ZCCHC7: variants seen among roughly 807,000 people sequenced by gnomAD.
ZCCHC7 encodes zinc finger CCHC-type containing 7, also known as zinc finger CCHC domain-containing protein 7.
ZCCHC7 carries 35 observed loss-of-function variants against 52.0 expected under a neutral mutation model. The observed-to-expected ratio is 0.67, with a 90% CI of 0.51 to 0.89. ZCCHC7 has a LOEUF of 0.89. ZCCHC7 is among the 40% of genes least tolerant of loss of function. ZCCHC7 has a pLI of 0.00. For missense variants in ZCCHC7, 574 were observed against 649.1 expected, an observed-to-expected ratio of 0.88 and a Z score of 1.26; for synonymous variants, 217 against 221.5, an observed-to-expected ratio of 0.98 and a Z score of 0.18.
intron 2 of ZCCHC7, among the ~76,000 whole-genome samples, chr9:37,239,362 T>G (rs955256855): frequency 6.6e-6 from 1 of 152,150 alleles, no homozygotes; most frequent in Non-Finnish European, 1.5e-5. Context: ...TAGATTCTTA[T>G]TACAATGCGT....
upstream of ZCCHC7, among the ~76,000 whole-genome samples, chr9:37,120,340 T>C (rs534430103): frequency 8.1e-4 from 123 of 152,312 alleles, 1 homozygote; most frequent in Non-Finnish European, 1.6e-3. Context: ...GCAGCCTAGG[T>C]AGCTTCAAGA....
Position 37,209,711 on chromosome 9 carries a change from A to G in ZCCHC7, c.610+82769A>G, listed in dbSNP as rs1364686899. On this transcript the variant is annotated intron_variant, in intron 2 of 8. Transcript: ENST00000336755. ...TTGAATGCATGACTGAATAAACTGG[A>G]TAAATATTTGTGTTTATAAGGGAAA... is the stretch of plus-strand genomic sequence containing the variant. 2.0e-5 allele frequency among the ~76,000 whole-genome samples: 3 copies of G among 152,314 alleles called. No homozygotes were observed. The East Asian group carries it at 5.8e-4, about 29-fold the overall frequency.
rs111721882 is a variant in ZCCHC7, at chr9:37,345,071, G to A, written c.988-4286G>A. Among the ~76,000 whole-genome samples, 155 of 152,286 alleles carry A rather than the reference G, an allele frequency of 1.0e-3. 2 individuals are homozygous for A. The highest frequency in any genetic ancestry group is 2.8e-3 in the African/African-American group (117 of 41,554). Reference sequence around the variant, plus strand: ...TAATAAATCCATTACAATCTGGCTTGTACCTCTACCCCTCGAAAGAAACTA... The same window carrying A: ...TAATAAATCCATTACAATCTGGCTTATACCTCTACCCCTCGAAAGAAACTA... On this transcript the variant is annotated intron_variant, in intron 6 of 8. Transcript: ENST00000336755.
upstream of ZCCHC7, chr9:37,120,432 A>G: frequency 5.1e-6 from 2 of 395,916 alleles, no homozygotes; most frequent in Non-Finnish European, 8.9e-6. Flanking sequence ...CGCACCCACT[A>G]CGCATGCGCA....
chr9:37,146,094 GAGAGTTGCTTCATTTATCTC>G (rs1205035508), intron 2 of ZCCHC7, among the ~76,000 whole-genome samples: 3 of 151,752 alleles, frequency 2.0e-5, no homozygotes, highest in African/African-American at 4.8e-5. Context: ...CTCATTCTTC[GAGAGTTGCTTCATTTATCTC>G]AGAGTTTTTG....
In ZCCHC7 at chr9:37,184,299, G is replaced by C. The variant is rs980520656; in HGVS notation, c.610+57357G>C. 2.6e-5 allele frequency among the ~76,000 whole-genome samples: 4 copies of C among 152,048 alleles called. No individual in the cohort carries two copies. The South Asian group carries it at 8.3e-4, about 32-fold the overall frequency. On this transcript the variant is annotated intron_variant, in intron 2 of 8. Transcript: ENST00000336755. Reference sequence around the variant, plus strand: ...TTGGTCTATATCATCTGATGATTCAGGGGCTGGTTTGGATCATTGATAAAG... The same window carrying C: ...TTGGTCTATATCATCTGATGATTCACGGGCTGGTTTGGATCATTGATAAAG...
intron 2 of ZCCHC7, among the ~76,000 whole-genome samples, chr9:37,134,382 T>G (rs1380082012): frequency 6.6e-6 from 1 of 152,238 alleles, no homozygotes; most frequent in African/African-American, 2.4e-5. Context: ...GGTAGTTAGA[T>G]CTAGAAGCTT....
intron 5 of ZCCHC7, among the ~76,000 whole-genome samples, chr9:37,321,243 C>T (rs139933457): frequency 0.051 from 7,697 of 152,028 alleles, 638 homozygotes; most frequent in African/African-American, 0.17. Flanking sequence ...CCACCTCGGC[C>T]TCCCAAAGTG....
chr9:37,209,080 G>A lies in ZCCHC7; in HGVS notation c.610+82138G>A, dbSNP rs10973252. On this transcript the variant is annotated intron_variant, in intron 2 of 8. Transcript: ENST00000336755. ...TTTTGAGATGGAGTCTCACTCTGTTGCCCAGGCTGGAGTGTAGTGGTGCGA... is the reference window on the plus strand; with the variant it reads ...TTTTGAGATGGAGTCTCACTCTGTTACCCAGGCTGGAGTGTAGTGGTGCGA... 4.9e-3 allele frequency among the ~76,000 whole-genome samples: 736 copies of A among 150,894 alleles called. 42 individuals are homozygous for A. The East Asian group carries it at 0.14, about 28-fold the overall frequency.
intron 1 of ZCCHC7, among the ~76,000 whole-genome samples, chr9:37,124,538 G>A (rs529722402): frequency 1.3e-5 from 2 of 152,064 alleles, no homozygotes; most frequent in African/African-American, 4.8e-5. Flanking sequence ...TATAGTTCCT[G>A]CCCTCCTGGG....
intron 2 of ZCCHC7, among the ~76,000 whole-genome samples, chr9:37,238,111 G>A (rs1825734084): frequency 6.6e-6 from 1 of 152,128 alleles, no homozygotes; most frequent in African/African-American, 2.4e-5. Flanking sequence ...ACCTCTCTCT[G>A]CCATGATCTT....
At chr9:37,198,272 G>C in intron 2 of ZCCHC7, among the ~76,000 whole-genome samples, 1 of 152,286 alleles carries the variant, frequency 6.6e-6, no homozygotes, top group East Asian at 1.9e-4. Context: ...GTTCTATGGA[G>C]TCTTTCTCAG....
chr9:37,134,698 C>CTTGTTTTTTGTTGG (rs946952538), intron 2 of ZCCHC7, among the ~76,000 whole-genome samples: 2 of 151,890 alleles, frequency 1.3e-5, no homozygotes, highest in African/African-American at 4.8e-5. Flanking sequence ...CACTCTTGCC[C>CTTGTTTTTTGTTGG]TTGTTTTTTG....
At chr9:37,230,335 T>C (rs1225842978) in intron 2 of ZCCHC7, among the ~76,000 whole-genome samples, 1 of 152,186 alleles carries the variant, frequency 6.6e-6, no homozygotes. Flanking sequence ...CTGTGAGTAA[T>C]GCATTGTTAA....
chr9:37,289,498 C>A (rs1440107440), intron 2 of ZCCHC7, among the ~76,000 whole-genome samples: 1 of 152,146 alleles, frequency 6.6e-6, no homozygotes, highest in Admixed American at 6.5e-5. Context: ...AGCTTTACCT[C>A]CAGATTATAT....
intron 2 of ZCCHC7, among the ~76,000 whole-genome samples, chr9:37,294,694 T>C (rs1014520583): frequency 6.6e-6 from 1 of 152,330 alleles, no homozygotes; most frequent in East Asian, 1.9e-4. Flanking sequence ...CATACAGTTG[T>C]CCATATGAAT....
At chr9:37,296,308 A>G (rs1324208251) in intron 2 of ZCCHC7, among the ~76,000 whole-genome samples, 6 of 152,234 alleles carry the variant, frequency 3.9e-5, no homozygotes, top group Non-Finnish European at 8.8e-5. Flanking sequence ...AAAGATGTAT[A>G]AAAAGAAGGT....
rs56220914 is a variant in ZCCHC7, at chr9:37,184,687, TTTGTTGTTGTTG to T, written c.610+57767_610+57778del. Among the ~76,000 whole-genome samples, 1,122 of 150,464 alleles carry T rather than the reference TTTGTTGTTGTTG, an allele frequency of 7.5e-3. 4 individuals carry two copies. Among genetic ancestry groups the T allele is most frequent in the South Asian group, 0.014 (68 of 4,732 alleles). ...CCAAGTTTTAACCTCTGTCTGGTGATTTGTTGTTGTTGTTGTTGTTGTTGTTGTTGTTGAAGT... is the reference window on the plus strand; with the variant it reads ...CCAAGTTTTAACCTCTGTCTGGTGATTTGTTGTTGTTGTTGTTGTTGAAGT... On this transcript the variant is annotated intron_variant, in intron 2 of 8. Coordinates refer to ENST00000336755, the MANE Select transcript of ZCCHC7 (RefSeq NM_032226.3).
At chr9:37,126,980 C>CTTTCATAAGGAGGACTGCT (rs1209127730) in intron 2 of ZCCHC7, 38 bp downstream of exon 2, 2 of 1,597,760 alleles carry the variant, frequency 1.3e-6, no homozygotes, top group Non-Finnish European at 1.7e-6. Flanking sequence ...GTAGTATCAT[C>CTTTCATAAGGAGGACTGCT]TTTCATAAGG....
Sources: gnomAD v4.1 joint callset for allele counts (sites outside exome capture counted in the v4.1 genomes callset) on GRCh38, gnomAD v4.1.1 for gene constraint, MANE v1.5 for transcripts, NCBI Gene and HGNC (gene_info 2026-07-23, HGNC 2026-07-21) for gene names.